Variants in CTSC observed in about 807,000 individuals in gnomAD.
CTSC encodes the protein cathepsin C, also known as dipeptidyl peptidase 1.
A neutral mutation model predicts 40.9 loss-of-function variants in CTSC; 37 were observed. The ratio of observed to expected loss-of-function variants is 0.91; its 90% CI spans 0.70 to 1.19. The LOEUF (loss-of-function observed/expected upper bound fraction) is 1.19, where lower values mean the gene tolerates loss of function less well. CTSC is among the 50% of genes most tolerant of loss of function. The pLI is 0.00. For missense variants in CTSC, 594 were observed against 567.3 expected, an observed-to-expected ratio of 1.05 and a Z score of -0.48; for synonymous variants, 232 against 207.4, an observed-to-expected ratio of 1.12 and a Z score of -1.02.
intron 1 of CTSC, among the ~76,000 whole-genome samples, chr11:88,335,472 G>A (rs112992975): frequency 0.016 from 2,432 of 152,238 alleles, 74 homozygotes; most frequent in African/African-American, 0.055. Context: ...CTATTTGAGC[G>A]GCTGAAGCTG....
rs766078492 is a variant in CTSC, at chr11:88,334,981, A to T, written c.274T>A (p.Phe92Ile). The change falls in exon 2 of 7, where the codon TTT becomes ATT. Residue 92 changes from phenylalanine (F) to isoleucine (I), a missense_variant. By Grantham distance (21) the Phe-to-Ile change is conservative. Transcript: ENST00000227266. ...GHFTIIYNQGFEIVLNDYKWF... is the reference protein window; with the variant it reads ...GHFTIIYNQGIEIVLNDYKWF... ...TTGTAGTCATTCAACACAATCTCAAAGCCTTGGTTGTAAATGATGGTGAAA... is the reference window on the plus strand; with the variant it reads ...TTGTAGTCATTCAACACAATCTCAATGCCTTGGTTGTAAATGATGGTGAAA... The T allele has an allele frequency of 6.8e-6, 11 of 1,612,668 alleles. No homozygotes were observed. The highest frequency in any genetic ancestry group is 1.7e-5 in the Admixed American group (1 of 60,032).
intron 2 of CTSC, chr11:88,320,697 CTA>C (rs1937983674): frequency 2.8e-6 from 1 of 356,302 alleles, no homozygotes; most frequent in South Asian, 1.1e-4. Context: ...ATATAAAAGT[CTA>C]ATCTCTTTTC....
At position 88,293,765 on chromosome 11, in the gene CTSC, TA is replaced by T. The variant is rs1944266797; in HGVS notation, c.*240del. ...TTACAAATGATTAAGCAAACTCTAT[TA>T]CTTCATAGCTGACCATCTTCCAGAA... On this transcript the variant is annotated 3_prime_UTR_variant, in exon 7 of 7. Transcript: ENST00000227266. 7.2e-6 allele frequency: 4 copies of T among 556,804 alleles called. No individual in the cohort carries two copies. In the East Asian group the frequency reaches 1.2e-4, roughly 17 times the overall value. 34.5% of individuals were successfully genotyped at this position (556,804 alleles called of 1,614,324 possible).
intron 4 of CTSC, among the ~76,000 whole-genome samples, chr11:88,303,656 CTTG>C (rs1447068602): frequency 1.3e-5 from 2 of 152,202 alleles, no homozygotes; most frequent in Admixed American, 6.5e-5. Flanking sequence ...GCACCCTGTC[CTTG>C]TGAGCCTTAT....
intron 2 of CTSC, chr11:88,321,687 G>A (rs1938017929): frequency 6.6e-6 from 1 of 152,196 alleles, no homozygotes; most frequent in African/African-American, 2.4e-5. Flanking sequence ...TATCACTGAT[G>A]AGCATTTGGG....
At chr11:88,335,576 G>C (rs145629923) in intron 1 of CTSC, among the ~76,000 whole-genome samples, 1 of 152,228 alleles carries the variant, frequency 6.6e-6, no homozygotes, top group Non-Finnish European at 1.5e-5. Flanking sequence ...GTGAGACCTT[G>C]TCTCAAAAAA....
intron 4 of CTSC, among the ~76,000 whole-genome samples, chr11:88,301,083 G>A (rs542600360): frequency 5.0e-4 from 76 of 152,256 alleles, no homozygotes; most frequent in African/African-American, 1.8e-3. Context: ...TAAAAGAAGT[G>A]AAGTTGGCAA....
At chr11:88,312,359 A>G in intron 3 of CTSC, 29 bp downstream of exon 3, 1 of 1,609,688 alleles carries the variant, frequency 6.2e-7, no homozygotes, top group Non-Finnish European at 8.5e-7. Context: ...AAACAAAACT[A>G]AACGTATGTC....
At chr11:88,336,192 A>G (rs1938487077) in intron 1 of CTSC, among the ~76,000 whole-genome samples, 1 of 150,334 alleles carries the variant, frequency 6.7e-6, no homozygotes, top group Admixed American at 6.7e-5. Flanking sequence ...GTGACAGGGC[A>G]GTGCAAATCC....
chr11:88,333,166 A>G (rs996861665), intron 2 of CTSC, among the ~76,000 whole-genome samples: 4 of 152,348 alleles, frequency 2.6e-5, no homozygotes, highest in Admixed American at 2.6e-4. Flanking sequence ...TTTTGTCTAT[A>G]TCTATTACAT....
chr11:88,312,253 G>T, intron 3 of CTSC, 135 bp downstream of exon 3: 1 of 837,342 alleles, frequency 1.2e-6, no homozygotes, highest in South Asian at 1.5e-5. Context: ...TTCCAGTAAG[G>T]TTTTACATAG....
At chr11:88,298,285 C>G (rs1247511092) in intron 5 of CTSC, 2 of 152,166 alleles carry the variant, frequency 1.3e-5, no homozygotes, top group Non-Finnish European at 2.9e-5. Flanking sequence ...AACAGCATAG[C>G]TGGGAGAAGA....
At position 88,300,602 on chromosome 11, in the gene CTSC, A is replaced by G; in HGVS notation, c.685T>C (p.Leu229=). Residue 229 remains leucine (L), a synonymous_variant, in exon 5 of 7, where the codon TTG becomes CTG. Coordinates refer to ENST00000227266, the MANE Select transcript of CTSC (RefSeq NM_001814.6). The part of the protein sequence containing the change: ...PLTAEIQQKI[L]HLPTSWDWRN... ...CAGTCCCAAGATGTTGGCAAATGCA[A>G]AATCTTTTGCTGTATTTCAGCAGTC... 1 of 1,614,004 alleles carries G rather than the reference A, an allele frequency of 6.2e-7. No homozygotes were observed.
chr11:88,322,644 T>A (rs1306732293), intron 2 of CTSC: 3 of 152,166 alleles, frequency 2.0e-5, no homozygotes, highest in African/African-American at 7.2e-5. Flanking sequence ...CAAACACCTC[T>A]ATGCAAAGAA....
Position 88,315,975 on chromosome 11 carries a change from G to A in CTSC, c.319-3421C>T, listed in dbSNP as rs1937869156. 1.3e-5 allele frequency among the ~76,000 whole-genome samples: 2 copies of A among 151,742 alleles called. 1 individual carries two copies. The highest frequency in any genetic ancestry group is 4.2e-4 in the South Asian group (2 of 4,816). ...AAAGGATTCAAATACAGGTTTACATGTTACAAAGGTCATTGCTTTATCCAT... is the reference window on the plus strand; with the variant it reads ...AAAGGATTCAAATACAGGTTTACATATTACAAAGGTCATTGCTTTATCCAT... On this transcript the variant is annotated intron_variant, in intron 2 of 6. Coordinates refer to ENST00000227266, the MANE Select transcript of CTSC (RefSeq NM_001814.6).
chr11:88,295,340 C>T (rs759199372), intron 6 of CTSC, among the ~76,000 whole-genome samples: 1 of 151,890 alleles, frequency 6.6e-6, no homozygotes, highest in South Asian at 2.1e-4. Flanking sequence ...GCTGTGTTTT[C>T]GACATACATC....
At position 88,326,446 on chromosome 11, in the gene CTSC, A is replaced by T. The variant is rs1415873129; in HGVS notation, c.318+8491T>A. On this transcript the variant is annotated intron_variant, in intron 2 of 6. Transcript: ENST00000227266. ...TCAACAGATGCTCTATTTAATAACT[A>T]CAAGACAATAAAAACTAGGGTTACA... 1.2e-6 allele frequency: 2 copies of T among 1,604,394 alleles called. No homozygotes were observed. The highest frequency in any genetic ancestry group is 1.7e-6 in the Non-Finnish European group (2 of 1,171,382).
chr11:88,307,549 C>A (rs1937661823), intron 4 of CTSC, among the ~76,000 whole-genome samples: 1 of 134,942 alleles, frequency 7.4e-6, no homozygotes, highest in South Asian at 2.5e-4. Context: ...TAGAGCTATA[C>A]TGATAACTTT....
intron 2 of CTSC, among the ~76,000 whole-genome samples, chr11:88,329,455 CAAAAAAAAAAAA>C (rs34568364): frequency 1.0e-3 from 71 of 67,880 alleles, no homozygotes; most frequent in African/African-American, 3.5e-3. Context: ...GACTCCATTT[CAAAAAAAAAAAA>C]AAAAAAAAAA....
Sources: gnomAD v4.1 joint callset for allele counts (sites outside exome capture counted in the v4.1 genomes callset) on GRCh38, gnomAD v4.1.1 for gene constraint, MANE v1.5 for transcripts, NCBI Gene and HGNC (gene_info 2026-07-23, HGNC 2026-07-21) for gene names.